The following SDC3 variants were observed in gnomAD, a reference collection of about 807,000 sequenced individuals.
SDC3 encodes syndecan-3.
A neutral mutation model predicts 24.4 loss-of-function variants in SDC3; 13 were observed. The observed-to-expected ratio is 0.53, with a 90% confidence interval of 0.35 to 0.85. The LOEUF is 0.85. Among genes scored for constraint, SDC3 ranks in the 40% least tolerant of loss-of-function variants. The pLI, the probability that SDC3 is intolerant of heterozygous loss-of-function variation, is 0.01. For synonymous variants in SDC3, 295 were observed against 260.9 expected, an observed-to-expected ratio of 1.13 and a Z score of -1.26; for missense variants, 571 against 584.5, an observed-to-expected ratio of 0.98 and a Z score of 0.24.
intron 1 of SDC3, among the ~76,000 whole-genome samples, chr1:30,905,308 C>A: frequency 9.4e-6 from 1 of 106,436 alleles, no homozygotes; most frequent in Non-Finnish European, 1.9e-5. Flanking sequence ...TTCCCCCACC[C>A]CACCCCACCC....
At position 30,892,815 on chromosome 1, in the gene SDC3, C is replaced by T. The variant is rs115061429; in HGVS notation, c.139-14075G>A. The stretch of plus-strand genomic sequence containing the variant: ...TAGAGGACAACACAGGCTCAGAGGA[C>T]GACACAAGTATAGTGACCTGCCCAA... On this transcript the variant is annotated intron_variant, in intron 1 of 4. Coordinates refer to ENST00000339394, the MANE Select transcript of SDC3 (RefSeq NM_014654.4). Among the ~76,000 whole-genome samples, 415 of 152,238 alleles carry T rather than the reference C, an allele frequency of 2.7e-3. 2 individuals carry two copies. Among genetic ancestry groups the T allele is most frequent in the African/African-American group, 9.5e-3 (393 of 41,512 alleles).
chr1:30,903,742 G>T (rs548826718), intron 1 of SDC3, among the ~76,000 whole-genome samples: 114 of 152,156 alleles, frequency 7.5e-4, no homozygotes, highest in Non-Finnish European at 1.2e-3. Flanking sequence ...ATAATCCAGG[G>T]GGTAGGGAGG....
At chr1:30,876,149 G>A (rs568079075) in intron 3 of SDC3, among the ~76,000 whole-genome samples, 13 of 152,280 alleles carry the variant, frequency 8.5e-5, no homozygotes, top group East Asian at 1.9e-4. Flanking sequence ...TCTCCTTTCC[G>A]TAGATGAGGA....
chr1:30,889,316 A>T (rs913171386), intron 1 of SDC3, among the ~76,000 whole-genome samples: 1 of 152,220 alleles, frequency 6.6e-6, no homozygotes, highest in Non-Finnish European at 1.5e-5. Flanking sequence ...CTTGAGCCTC[A>T]GTTCCACCAT....
At chr1:30,880,445 C>A (rs1348908365) in intron 1 of SDC3, among the ~76,000 whole-genome samples, 1 of 151,970 alleles carries the variant, frequency 6.6e-6, no homozygotes, top group Non-Finnish European at 1.5e-5. Flanking sequence ...ACTCACACAT[C>A]CTAATTTAGC....
chr1:30,882,217 C>T (rs964371912), intron 1 of SDC3, among the ~76,000 whole-genome samples: 2 of 152,198 alleles, frequency 1.3e-5, no homozygotes, highest in African/African-American at 2.4e-5. Context: ...CACACACATG[C>T]GCGCAAACAC....
upstream of SDC3, among the ~76,000 whole-genome samples, chr1:30,908,949 C>G (rs1484289284): frequency 6.6e-6 from 1 of 151,672 alleles, no homozygotes; most frequent in African/African-American, 2.4e-5. Flanking sequence ...AGTGGGCACC[C>G]GGACACCTGA....
intron 1 of SDC3, among the ~76,000 whole-genome samples, chr1:30,903,868 C>A (rs1638463048): frequency 6.6e-6 from 1 of 152,160 alleles, no homozygotes; most frequent in Non-Finnish European, 1.5e-5. Flanking sequence ...TCTGCCACTT[C>A]TGGCTGTGTG....
At chr1:30,884,812 T>G (rs1435662376) in intron 1 of SDC3, among the ~76,000 whole-genome samples, 1 of 152,108 alleles carries the variant, frequency 6.6e-6, no homozygotes, top group Non-Finnish European at 1.5e-5. Flanking sequence ...TCCAGGACAA[T>G]GTAATTTACG....
chr1:30,894,707 T>G (rs1023674109), intron 1 of SDC3, among the ~76,000 whole-genome samples: 49 of 142,382 alleles, frequency 3.4e-4, no homozygotes, highest in Admixed American at 4.2e-4. Flanking sequence ...AGTGTGTGGG[T>G]GTGTGTGGGG....
chr1:30,894,531 AGAGTGTGCGTGGAT>A (rs1417085623), intron 1 of SDC3, among the ~76,000 whole-genome samples: 2 of 75,786 alleles, frequency 2.6e-5, no homozygotes, highest in African/African-American at 1.1e-4. Context: ...TGAGTGGGTG[AGAGTGTGCGTGGAT>A]GAGTGTGTGT....
intron 1 of SDC3, among the ~76,000 whole-genome samples, chr1:30,892,705 G>A (rs1369709349): frequency 1.3e-5 from 2 of 152,168 alleles, no homozygotes; most frequent in African/African-American, 2.4e-5. Flanking sequence ...AGCAGCCTGT[G>A]AGCAGAGCAG....
intron 2 of SDC3, 126 bp from the exon 3 acceptor site, chr1:30,877,291 A>C: frequency 8.0e-7 from 1 of 1,250,180 alleles, no homozygotes; most frequent in Non-Finnish European, 1.1e-6. Flanking sequence ...CAATTTTCCC[A>C]GAAAAGATGA....
At chr1:30,880,219 C>A (rs751408338) in intron 1 of SDC3, among the ~76,000 whole-genome samples, 4 of 152,010 alleles carry the variant, frequency 2.6e-5, no homozygotes, top group African/African-American at 7.3e-5. Context: ...TGCTAACGAC[C>A]AGGAGCTGCA....
chr1:30,879,557 C>G (rs113025048), intron 1 of SDC3, among the ~76,000 whole-genome samples: 3 of 152,156 alleles, frequency 2.0e-5, no homozygotes, highest in Non-Finnish European at 4.4e-5. Context: ...CCTCCACAAC[C>G]TGAACCAGCC....
In SDC3 at chr1:30,874,367, G is replaced by A. The variant is rs1331365651; in HGVS notation, c.1092C>T (p.Ala364=). Residue 364 remains alanine, a synonymous_variant, in exon 4 of 5, where the codon GCC becomes GCT. Transcript: ENST00000339394. ...GAGCAGCTGAGCTGCCCGAGTCGATGGCATTGTCCAGGAGGCCAGGGCCCG... is the reference window on the plus strand; with the variant it reads ...GAGCAGCTGAGCTGCCCGAGTCGATAGCATTGTCCAGGAGGCCAGGGCCCG... The part of the protein sequence containing the change: ...ARPGPGLLDN[A]IDSGSSAAQL... The A allele has an allele frequency of 1.2e-6, 2 of 1,613,818 alleles. No homozygotes were observed. Among genetic ancestry groups the A allele is most frequent in the African/African-American group, 2.7e-5 (2 of 74,918 alleles).
At chr1:30,893,523 G>T (rs939956203) in intron 1 of SDC3, among the ~76,000 whole-genome samples, 1 of 151,752 alleles carries the variant, frequency 6.6e-6, no homozygotes, top group East Asian at 1.9e-4. Context: ...CCCAGCTCAC[G>T]CGTCCCCTCC....
chr1:30,878,690 G>C lies in SDC3; in HGVS notation c.189C>G (p.Gly63=). ...ENFERPVDLE[G]SGDDDSFPDD... is the part of the protein sequence containing the mutation. ...CGGGAAAGGAGTCATCATCCCCAGA[G>C]CCCTCCAGGTCCACGGGTCTCTCGA... The change falls in exon 2 of 5, where the codon GGC becomes GGG. Residue 63 remains glycine, a synonymous_variant. Transcript: ENST00000339394. The C allele has an allele frequency of 6.2e-7, 1 of 1,614,210 alleles. No individual in the cohort carries two copies. Among genetic ancestry groups the C allele is most frequent in the Non-Finnish European group, 8.5e-7 (1 of 1,180,034 alleles).
At chr1:30,906,959 CA>C (rs941768182) in intron 1 of SDC3, among the ~76,000 whole-genome samples, 1 of 152,174 alleles carries the variant, frequency 6.6e-6, no homozygotes, top group African/African-American at 2.4e-5. Context: ...TCACACAGGT[CA>C]GCCCTCAACA....
Sources: gnomAD v4.1 joint callset for allele counts (sites outside exome capture counted in the v4.1 genomes callset) on GRCh38, gnomAD v4.1.1 for gene constraint, MANE v1.5 for transcripts, NCBI Gene and HGNC (gene_info 2026-07-23, HGNC 2026-07-21) for gene names.